The following CCSER1 variants were observed in gnomAD, a reference collection of about 807,000 sequenced individuals.
The protein encoded by CCSER1 is serine-rich coiled-coil domain-containing protein 1.
A neutral mutation model predicts 82.0 loss-of-function variants in CCSER1; 41 were observed. That is an observed-to-expected ratio of 0.50 (90% CI 0.39 to 0.65). The LOEUF is 0.65. CCSER1 is among the 30% of genes least tolerant of loss of function. The pLI is 0.00. For missense variants in CCSER1, 1,119 were observed against 1,064.2 expected, an observed-to-expected ratio of 1.05 and a Z score of -0.72; for synonymous variants, 414 against 383.9, an observed-to-expected ratio of 1.08 and a Z score of -0.92.
chr4:91,241,566 T>TC (rs544071674), intron 10 of CCSER1, among the ~76,000 whole-genome samples: 18,257 of 150,208 alleles, frequency 0.12, 1,287 homozygotes, highest in Middle Eastern at 0.17. Flanking sequence ...GACCTCTTGA[T>TC]CCACCCGCCT....
intron 10 of CCSER1, among the ~76,000 whole-genome samples, chr4:91,443,526 G>T: frequency 8.3e-6 from 1 of 121,004 alleles, no homozygotes; most frequent in African/African-American, 3.0e-5. Flanking sequence ...GAGGGGGAGG[G>T]ATAGCATTAG....
intron 5 of CCSER1, among the ~76,000 whole-genome samples, chr4:90,503,361 T>A (rs968922723): frequency 1.3e-5 from 2 of 152,190 alleles, no homozygotes; most frequent in African/African-American, 2.4e-5. Context: ...AATACTTAAA[T>A]AAGAAAACTT....
chr4:91,514,612 A>G (rs1340472689), intron 10 of CCSER1, among the ~76,000 whole-genome samples: 1 of 130,540 alleles, frequency 7.7e-6, no homozygotes, highest in Non-Finnish European at 1.7e-5. Flanking sequence ...TATTTGTTTT[A>G]TGAATCTGGG....
At chr4:90,185,729 C>G (rs914591790) in intron 1 of CCSER1, among the ~76,000 whole-genome samples, 1 of 151,936 alleles carries the variant, frequency 6.6e-6, no homozygotes, top group African/African-American at 2.4e-5. Context: ...ATAAATCTCT[C>G]TACTGAAAAT....
chr4:91,559,675 A>T (rs1040667829), intron 10 of CCSER1, among the ~76,000 whole-genome samples: 1 of 151,590 alleles, frequency 6.6e-6, no homozygotes, highest in Non-Finnish European at 1.5e-5. Flanking sequence ...GCCTTAAGAA[A>T]ATTTGTGAGT....
intron 10 of CCSER1, among the ~76,000 whole-genome samples, chr4:91,533,530 G>T (rs2110174291): frequency 6.6e-6 from 1 of 152,228 alleles, no homozygotes; most frequent in African/African-American, 2.4e-5. Flanking sequence ...AATGAGAATA[G>T]GTTTAGAAGA....
At chr4:91,177,861 A>T (rs1004348224) in intron 10 of CCSER1, among the ~76,000 whole-genome samples, 2 of 152,058 alleles carry the variant, frequency 1.3e-5, no homozygotes, top group South Asian at 4.1e-4. Context: ...TAGCTTTTGA[A>T]GGTGTTTGCT....
intron 8 of CCSER1, among the ~76,000 whole-genome samples, chr4:90,849,410 G>C (rs2149918355): frequency 6.6e-6 from 1 of 152,258 alleles, no homozygotes; most frequent in African/African-American, 2.4e-5. Context: ...AGGGTATCTG[G>C]TGGCAGAAAT....
intron 10 of CCSER1, among the ~76,000 whole-genome samples, chr4:91,583,095 T>C (rs1419715205): frequency 6.6e-6 from 1 of 151,334 alleles, no homozygotes; most frequent in Non-Finnish European, 1.5e-5. Flanking sequence ...TTCTCACTTT[T>C]ATTGAGGAAT....
chr4:91,191,261 T>C (rs1734970166), intron 10 of CCSER1, among the ~76,000 whole-genome samples: 1 of 152,180 alleles, frequency 6.6e-6, no homozygotes, highest in South Asian at 2.1e-4. Context: ...TCATTAACTA[T>C]CTGCTATTTC....
chr4:90,549,129 C>T (rs146345472), intron 5 of CCSER1, among the ~76,000 whole-genome samples: 1,892 of 152,282 alleles, frequency 0.012, 48 homozygotes, highest in African/African-American at 0.044. Context: ...TTTCACTAAT[C>T]ATCCACTGCT....
chr4:90,780,874 G>A lies in CCSER1; in HGVS notation c.2011-34888G>A, dbSNP rs1753676849. 5 of 787,708 alleles carry A rather than the reference G, an allele frequency of 6.3e-6. No individual in the cohort carries two copies. The South Asian group carries it at 2.8e-4, about 44-fold the overall frequency. 48.8% of individuals were successfully genotyped at this position (787,708 alleles called of 1,614,324 possible). On this transcript the variant is annotated intron_variant, in intron 7 of 10. Transcript: ENST00000509176. ...TGCATGGCTATAAAGAAATACCTGA[G>A]ACTAGGTGATTTATAAGAAAAGGGG...
chr4:90,357,157 A>C (rs1362208101), intron 3 of CCSER1, among the ~76,000 whole-genome samples: 1 of 151,950 alleles, frequency 6.6e-6, no homozygotes, highest in African/African-American at 2.4e-5. Flanking sequence ...GTGTTATATT[A>C]CATAACTGTG....
chr4:90,285,808 A>G (rs1181143196), intron 1 of CCSER1, among the ~76,000 whole-genome samples: 2 of 151,834 alleles, frequency 1.3e-5, no homozygotes, highest in African/African-American at 2.4e-5. Flanking sequence ...ATGTTGAGGT[A>G]TGTTCCTTTC....
intron 6 of CCSER1, among the ~76,000 whole-genome samples, chr4:90,667,692 A>G (rs1732058304): frequency 6.6e-6 from 1 of 152,158 alleles, no homozygotes; most frequent in African/African-American, 2.4e-5. Context: ...TCATGGTTGC[A>G]TAGTATCCCA....
chr4:90,529,956 T>A (rs972642767), intron 5 of CCSER1, among the ~76,000 whole-genome samples: 17 of 150,616 alleles, frequency 1.1e-4, no homozygotes, highest in South Asian at 1.0e-3. Context: ...TATATATTTT[T>A]TTTTTCTCTA....
At chr4:91,128,469 A>G (rs1375356408) in intron 10 of CCSER1, among the ~76,000 whole-genome samples, 1 of 152,134 alleles carries the variant, frequency 6.6e-6, no homozygotes, top group Non-Finnish European at 1.5e-5. Context: ...AAAAGAATTT[A>G]TAATCTAGTG....
At chr4:91,148,522 A>G (rs959620333) in intron 10 of CCSER1, among the ~76,000 whole-genome samples, 2 of 152,028 alleles carry the variant, frequency 1.3e-5, no homozygotes, top group African/African-American at 4.8e-5. Context: ...TCCAGGGTTC[A>G]TGTGCGCAAC....
chr4:90,932,976 A>AAGAGAGAGAGAGAG, intron 9 of CCSER1, among the ~76,000 whole-genome samples: 1 of 38,706 alleles, frequency 2.6e-5, no homozygotes, highest in East Asian at 4.9e-4. Flanking sequence ...GAAAGAAAGA[A>AAGAGAGAGAGAGAG]AGAAAGAGAA....
Sources: allele counts gnomAD v4.1 joint callset (sites outside exome capture counted in the v4.1 genomes callset), GRCh38; gene constraint gnomAD v4.1.1; transcripts MANE v1.5; gene names NCBI Gene and HGNC (gene_info 2026-07-23, HGNC 2026-07-21).